The following SCFD2 variants were observed in gnomAD, a reference collection of about 807,000 sequenced individuals.
SCFD2 encodes sec1 family domain-containing protein 2.
SCFD2 carries 54 observed loss-of-function variants against 58.9 expected under a neutral mutation model. That is an observed-to-expected ratio of 0.92 (90% CI 0.74 to 1.15). The LOEUF is 1.15. Ranked by LOEUF, SCFD2 falls within the 50% of genes most tolerant of loss-of-function variation. The pLI is 0.00. For synonymous variants in SCFD2, 321 were observed against 335.9 expected, an observed-to-expected ratio of 0.96 and a Z score of 0.49; for missense variants, 805 against 836.6, an observed-to-expected ratio of 0.96 and a Z score of 0.47.
rs375165595 is a variant in SCFD2, at chr4:53,237,165, T to C, written c.1311+36661A>G. On this transcript the variant is annotated intron_variant, in intron 4 of 8. Coordinates refer to ENST00000401642, the MANE Select transcript of SCFD2 (RefSeq NM_152540.4). ...GAGCACAGGGTTGGGGGTAAGGTCA[T>C]AGATCAACAGGATCCCAAGGCAGAA... Among the ~76,000 whole-genome samples the C allele has an allele frequency of 1.9e-3, 289 of 149,012 alleles. 1 individual carries two copies. The highest frequency in any genetic ancestry group is 7.1e-3 in the Admixed American group (106 of 14,966).
rs188541270 is a variant in SCFD2 at position 52,906,989 on chromosome 4, G to A, written c.1842+468C>T. On this transcript the variant is annotated intron_variant, in intron 7 of 8. Transcript: ENST00000401642. ...AGCCAGATAAATTCTGACACTTGTC[G>A]CCTAGGAGTCTGCCAGTCCAAAAGT... 4.1e-3 allele frequency among the ~76,000 whole-genome samples: 630 copies of A among 152,224 alleles called. 2 individuals are homozygous for A. The highest frequency in any genetic ancestry group is 0.015 in the African/African-American group (606 of 41,532).
At chr4:53,299,158 C>G (rs183889526) in intron 3 of SCFD2, among the ~76,000 whole-genome samples, 31 of 152,002 alleles carry the variant, frequency 2.0e-4, no homozygotes, top group African/African-American at 7.2e-4. Flanking sequence ...AGCTAAAGGA[C>G]GAAGTTCGAA....
At chr4:52,919,838 C>A (rs1719693297) in intron 6 of SCFD2, among the ~76,000 whole-genome samples, 1 of 152,204 alleles carries the variant, frequency 6.6e-6, no homozygotes, top group African/African-American at 2.4e-5. Flanking sequence ...GCTCAAGTCT[C>A]CCTTAAAGAG....
At chr4:53,048,759 A>T (rs28601788) in intron 5 of SCFD2, among the ~76,000 whole-genome samples, 3,103 of 151,984 alleles carry the variant, frequency 0.02, 116 homozygotes, top group African/African-American at 0.072. Context: ...CTCTCTTCTC[A>T]TTGGGCTTCA....
At chr4:52,906,304 C>A (rs897359132) in intron 7 of SCFD2, among the ~76,000 whole-genome samples, 3 of 152,192 alleles carry the variant, frequency 2.0e-5, no homozygotes, top group Non-Finnish European at 4.4e-5. Context: ...ATATTTTAGT[C>A]TCTCTTCAGG....
At chr4:53,079,593 A>T (rs1205826068) in intron 5 of SCFD2, among the ~76,000 whole-genome samples, 1 of 152,238 alleles carries the variant, frequency 6.6e-6, no homozygotes, top group African/African-American at 2.4e-5. Context: ...TACAATGTGT[A>T]GGCAGAGGGA....
intron 4 of SCFD2, among the ~76,000 whole-genome samples, chr4:53,253,743 G>A (rs1183344177): frequency 9.2e-6 from 1 of 108,800 alleles, no homozygotes; most frequent in Non-Finnish European, 1.7e-5. Context: ...CTGTCGTGGG[G>A]TGGGGGGAGG....
chr4:53,284,260 C>T (rs1178275037), intron 3 of SCFD2, among the ~76,000 whole-genome samples: 2 of 151,168 alleles, frequency 1.3e-5, no homozygotes, highest in Non-Finnish European at 2.9e-5. Context: ...AACCACATTG[C>T]CACATTACCA....
intron 2 of SCFD2, among the ~76,000 whole-genome samples, chr4:53,315,902 G>A (rs1488335519): frequency 1.3e-5 from 2 of 152,072 alleles, no homozygotes; most frequent in African/African-American, 4.8e-5. Flanking sequence ...TTGGTGTAGT[G>A]GTTTATGGAC....
chr4:53,343,997 G>A (rs1402489078), intron 2 of SCFD2, among the ~76,000 whole-genome samples: 2 of 152,142 alleles, frequency 1.3e-5, no homozygotes, highest in African/African-American at 2.4e-5. Context: ...ATATCATACT[G>A]AATGGACAAA....
At chr4:53,073,541 A>G (rs955067413) in intron 5 of SCFD2, among the ~76,000 whole-genome samples, 1 of 152,086 alleles carries the variant, frequency 6.6e-6, no homozygotes, top group African/African-American at 2.4e-5. Flanking sequence ...GACCCTCTCA[A>G]CACTGCATTT....
At chr4:53,327,897 A>C (rs1577970669) in intron 2 of SCFD2, among the ~76,000 whole-genome samples, 1 of 152,270 alleles carries the variant, frequency 6.6e-6, no homozygotes, top group Non-Finnish European at 1.5e-5. Flanking sequence ...TTGGGAGGCC[A>C]ACGTGGGTGG....
intron 4 of SCFD2, among the ~76,000 whole-genome samples, chr4:53,177,493 A>C (rs1467659948): frequency 6.6e-6 from 1 of 152,238 alleles, no homozygotes; most frequent in East Asian, 1.9e-4. Context: ...AAAAAAGTAA[A>C]AATAAAAAAC....
intron 2 of SCFD2, 61 bp downstream of exon 2, chr4:53,352,537 C>A: frequency 2.2e-6 from 3 of 1,393,670 alleles, no homozygotes; most frequent in Non-Finnish European, 3.0e-6. Context: ...AATACTCAGT[C>A]TAGGAGAAAA....
At chr4:53,338,575 C>CTTTTTTTTTTGTTTTTT (rs1733753116) in intron 2 of SCFD2, among the ~76,000 whole-genome samples, 1 of 72,296 alleles carries the variant, frequency 1.4e-5, no homozygotes, top group African/African-American at 5.1e-5. Flanking sequence ...GTATATTTTT[C>CTTTTTTTTTTGTTTTTT]TTTTTTTTTT....
At chr4:52,991,276 A>C (rs751034993) in intron 5 of SCFD2, among the ~76,000 whole-genome samples, 12 of 152,208 alleles carry the variant, frequency 7.9e-5, no homozygotes, top group Non-Finnish European at 1.5e-4. Flanking sequence ...TCCTCACCAA[A>C]ATCTCTGAGA....
chr4:52,896,481 C>T (rs1303676679), intron 7 of SCFD2, among the ~76,000 whole-genome samples: 3 of 152,100 alleles, frequency 2.0e-5, no homozygotes, highest in Non-Finnish European at 4.4e-5. Flanking sequence ...AGATATGCGG[C>T]ATTATTTCTG....
chr4:53,116,184 T>C (rs757710429), intron 5 of SCFD2, among the ~76,000 whole-genome samples: 2 of 152,206 alleles, frequency 1.3e-5, no homozygotes, highest in African/African-American at 2.4e-5. Flanking sequence ...ATAGAGGATG[T>C]ATGTTAGTCA....
chr4:53,014,153 T>C (rs531006019), intron 5 of SCFD2, among the ~76,000 whole-genome samples: 149 of 152,262 alleles, frequency 9.8e-4, no homozygotes, highest in Non-Finnish European at 1.8e-3. Context: ...GTAGGCGCTA[T>C]GATGTGGAAG....
Sources: allele counts gnomAD v4.1 joint callset (sites outside exome capture counted in the v4.1 genomes callset), GRCh38; gene constraint gnomAD v4.1.1; transcripts MANE v1.5; gene names NCBI Gene and HGNC (gene_info 2026-07-23, HGNC 2026-07-21).